Variants in TCF12 observed in about 807,000 individuals in gnomAD.
TCF12 encodes the protein DNA-binding protein HTF4.
Under a neutral mutation model 86.0 loss-of-function variants are expected in TCF12, and 45 were observed. That is an observed-to-expected ratio of 0.52 (90% confidence interval 0.41 to 0.67). The LOEUF is 0.67. Ranked by LOEUF, TCF12 falls within the 30% of genes least tolerant of loss-of-function variation. The probability of loss-of-function intolerance (pLI) is 0.00; values close to 1 mark genes in which losing one functional copy is unlikely to be tolerated. For synonymous variants in TCF12, 330 were observed against 299.6 expected (o/e 1.10, Z -1.05); for missense variants, 881 against 859.9 (o/e 1.02, Z -0.31).
At chr15:56,972,143 C>G (rs1642934) in intron 3 of TCF12, among the ~76,000 whole-genome samples, 152,099 of 152,340 alleles carry the variant, frequency 1, 75,931 homozygotes, top group East Asian at 1. Context: ...TGGCTCAAAA[C>G]GTTTTTCTCC....
intron 3 of TCF12, among the ~76,000 whole-genome samples, chr15:56,976,224 CTTTTTTTT>C (rs35959497): frequency 0.013 from 740 of 57,484 alleles, 4 homozygotes; most frequent in Non-Finnish European, 0.018. Context: ...AAGGAAGTTT[CTTTTTTTT>C]TTTTTTTTTT....
intron 5 of TCF12, among the ~76,000 whole-genome samples, chr15:57,142,098 G>A (rs1330103931): frequency 3.3e-5 from 5 of 152,174 alleles, no homozygotes; most frequent in African/African-American, 1.2e-4. Flanking sequence ...GTGCAGTAGA[G>A]CATCCACACA....
chr15:57,218,007 G>A (rs1305221089), intron 8 of TCF12, among the ~76,000 whole-genome samples: 3 of 152,036 alleles, frequency 2.0e-5, no homozygotes, highest in Non-Finnish European at 2.9e-5. Context: ...GAGAGTGTGG[G>A]GAGGTTTTAT....
intron 5 of TCF12, among the ~76,000 whole-genome samples, chr15:57,149,091 A>T (rs575638429): frequency 6.6e-6 from 1 of 152,334 alleles, no homozygotes; most frequent in African/African-American, 2.4e-5. Context: ...TATTTTAATG[A>T]AATCAGTGAC....
At chr15:57,220,570 A>T (rs111494885) in intron 8 of TCF12, among the ~76,000 whole-genome samples, 241 of 152,332 alleles carry the variant, frequency 1.6e-3, no homozygotes, top group Admixed American at 1.1e-3. Context: ...GCACATGACT[A>T]GGTGTTTTAA....
At chr15:57,044,525 AATC>A (rs551336943) in intron 3 of TCF12, among the ~76,000 whole-genome samples, 208 of 152,356 alleles carry the variant, frequency 1.4e-3, no homozygotes, top group Middle Eastern at 6.8e-3. Context: ...CTGTTGAATG[AATC>A]ATCATGCTCA....
At chr15:57,220,792 G>C (rs1260914132) in intron 8 of TCF12, among the ~76,000 whole-genome samples, 1 of 151,908 alleles carries the variant, frequency 6.6e-6, no homozygotes, top group Non-Finnish European at 1.5e-5. Context: ...ATGAATAACA[G>C]TGTTGGTTTA....
intron 3 of TCF12, among the ~76,000 whole-genome samples, chr15:56,996,732 A>G (rs956736995): frequency 6.6e-6 from 1 of 152,206 alleles, no homozygotes; most frequent in African/African-American, 2.4e-5. Flanking sequence ...TTCACAAACT[A>G]TGCATCCAAC....
intron 3 of TCF12, chr15:57,001,257 C>A (rs774455718): frequency 3.2e-4 from 53 of 165,616 alleles, no homozygotes; most frequent in Non-Finnish European, 5.7e-4. Flanking sequence ...TCAAGTAATC[C>A]GCCCACCTCA....
intron 3 of TCF12, among the ~76,000 whole-genome samples, chr15:56,951,734 C>T (rs933241119): frequency 2.0e-5 from 3 of 152,172 alleles, no homozygotes; most frequent in Non-Finnish European, 4.4e-5. Flanking sequence ...ACTGCAGCCT[C>T]GACCATCCAG....
intron 3 of TCF12, among the ~76,000 whole-genome samples, chr15:56,989,933 C>A (rs559803812): frequency 1.3e-5 from 2 of 152,190 alleles, no homozygotes; most frequent in East Asian, 3.9e-4. Flanking sequence ...TTTCTAACTT[C>A]AGAGACGGAC....
rs192036870 is a variant in TCF12 at position 57,232,903 on chromosome 15, C to A, written c.970+47C>A. 6 of 1,437,136 alleles carry A rather than the reference C, an allele frequency of 4.2e-6. No homozygotes were observed. In the East Asian group the frequency reaches 1.0e-4, roughly 25 times the overall value. 89.0% of individuals were successfully genotyped at this position (1,437,136 alleles called of 1,614,324 possible). A position where few individuals can be genotyped will look rare whatever the true frequency, so the allele number is the denominator to read the frequency against. ...AACTTCCTAAAAGTTTGTGGACTTT[C>A]AGTGACCCCGATATCTTTATATATA... is the stretch of plus-strand genomic sequence containing the variant. On this transcript the variant is annotated intron_variant, in intron 11 of 20. Transcript: ENST00000333725.
chr15:57,093,867 C>T (rs1332515977), intron 5 of TCF12, among the ~76,000 whole-genome samples: 1 of 152,078 alleles, frequency 6.6e-6, no homozygotes, highest in East Asian at 1.9e-4. Context: ...ATGTGAACTA[C>T]GTTGTTTAGG....
intron 3 of TCF12, among the ~76,000 whole-genome samples, chr15:56,988,269 AACCTAGGGG>A (rs2063288159): frequency 6.6e-6 from 1 of 152,158 alleles, no homozygotes; most frequent in Admixed American, 6.5e-5. Flanking sequence ...TACTTACATA[AACCTAGGGG>A]GTATATAGCC....
At chr15:57,275,327 G>GGTGTGTGTGTGTGTGTGTGTAT (rs2061330943) in intron 19 of TCF12, among the ~76,000 whole-genome samples, 1 of 64,060 alleles carries the variant, frequency 1.6e-5, no homozygotes, top group Non-Finnish European at 2.9e-5. Flanking sequence ...GTAAGGTAGG[G>GGTGTGTGTGTGTGTGTGTGTAT]GTGTGTGTGT....
intron 3 of TCF12, among the ~76,000 whole-genome samples, chr15:56,924,796 G>A (rs2059932116): frequency 6.6e-6 from 1 of 152,154 alleles, no homozygotes; most frequent in Admixed American, 6.5e-5. Context: ...TAGCAAGGGA[G>A]TCTTTTAGAG....
At position 57,243,452 on chromosome 15, in the gene TCF12, A is replaced by C; in HGVS notation, c.1036-20A>C. The C allele has an allele frequency of 6.2e-7, 1 of 1,604,648 alleles. No homozygotes were observed. Among genetic ancestry groups the C allele is most frequent in the East Asian group, 2.2e-5 (1 of 44,732 alleles). On this transcript the variant is annotated intron_variant, in intron 12 of 20. Transcript: ENST00000333725. ...TGTTGTCACATGTTGATACATGTAT[A>C]TTTCTTGTTTTCTGGTTAGATTTAT...
chr15:57,091,166 G>GTATA, intron 4 of TCF12, among the ~76,000 whole-genome samples: 1 of 152,214 alleles, frequency 6.6e-6, no homozygotes, highest in East Asian at 1.9e-4. Flanking sequence ...TTCTGTAGGA[G>GTATA]TATATATTGT....
At chr15:57,283,887 A>G (rs2061813459) in intron 20 of TCF12, among the ~76,000 whole-genome samples, 1 of 152,234 alleles carries the variant, frequency 6.6e-6, no homozygotes, top group African/African-American at 2.4e-5. Context: ...GGGTCAAACC[A>G]GACCACAAAG....
Sources: gnomAD v4.1 joint callset for allele counts (sites outside exome capture counted in the v4.1 genomes callset) on GRCh38, gnomAD v4.1.1 for gene constraint, MANE v1.5 for transcripts, NCBI Gene and HGNC (gene_info 2026-07-23, HGNC 2026-07-21) for gene names.